Variants in RBFOX1 observed in about 807,000 individuals in gnomAD.
RBFOX1 encodes the protein RNA binding protein fox-1 homolog 1.
In RBFOX1, 8 loss-of-function variants were observed where a neutral mutation model predicts 57.7. The ratio of observed to expected loss-of-function variants is 0.14; its 90% CI spans 0.08 to 0.25. The LOEUF (loss-of-function observed/expected upper bound fraction) is 0.25, where lower values mean the gene tolerates loss of function less well. Ranked by LOEUF, RBFOX1 falls within the 10% of genes least tolerant of loss-of-function variation. RBFOX1 has a pLI of 1.00. For synonymous variants in RBFOX1, 326 were observed against 222.4 expected (o/e 1.47, Z -4.15); for missense variants, 611 against 548.5 (o/e 1.11, Z -1.14).
intron 4 of RBFOX1, among the ~76,000 whole-genome samples, chr16:7,492,156 C>G (rs190305911): frequency 6.6e-6 from 1 of 152,314 alleles, no homozygotes; most frequent in East Asian, 1.9e-4. Flanking sequence ...TTTTGTCTGC[C>G]TTCTGCATTT....
intron 4 of RBFOX1, among the ~76,000 whole-genome samples, chr16:7,320,035 C>T (rs2096517587): frequency 6.6e-6 from 1 of 152,082 alleles, no homozygotes; most frequent in Non-Finnish European, 1.5e-5. Context: ...TGTATGTATG[C>T]ATTAATCTGT....
At chr16:6,801,424 A>T (rs539626571) in intron 3 of RBFOX1, among the ~76,000 whole-genome samples, 1 of 152,278 alleles carries the variant, frequency 6.6e-6, no homozygotes, top group Admixed American at 6.5e-5. Context: ...TCAGCTGAAG[A>T]TAAATAAGCA....
At chr16:6,121,249 A>G (rs565594538) in intron 1 of RBFOX1, among the ~76,000 whole-genome samples, 21 of 152,260 alleles carry the variant, frequency 1.4e-4, no homozygotes, top group African/African-American at 4.8e-4. Flanking sequence ...ATGAGACTCT[A>G]GACTCTGCTT....
intron 5 of RBFOX1, among the ~76,000 whole-genome samples, chr16:7,526,314 C>T (rs2078696531): frequency 6.6e-6 from 1 of 152,150 alleles, no homozygotes; most frequent in African/African-American, 2.4e-5. Flanking sequence ...TTAGAATTCT[C>T]ATGAAGATTG....
chr16:5,383,769 T>A (rs1363570796), intron 1 of RBFOX1, among the ~76,000 whole-genome samples: 1 of 152,208 alleles, frequency 6.6e-6, no homozygotes, highest in Non-Finnish European at 1.5e-5. Flanking sequence ...CCCTAGAGAT[T>A]GTACTAGTCT....
chr16:5,390,713 A>T (rs1439186734), intron 1 of RBFOX1, among the ~76,000 whole-genome samples: 1 of 152,154 alleles, frequency 6.6e-6, no homozygotes, highest in Non-Finnish European at 1.5e-5. Flanking sequence ...CTCCAGGATG[A>T]CCCACACCTA....
At chr16:6,658,386 C>T (rs1047179834) in intron 3 of RBFOX1, among the ~76,000 whole-genome samples, 4 of 151,764 alleles carry the variant, frequency 2.6e-5, no homozygotes, top group South Asian at 4.2e-4. Flanking sequence ...TTTTTGTATT[C>T]TTAGTAGAGG....
At chr16:7,217,675 G>A (rs1290381776) in intron 4 of RBFOX1, among the ~76,000 whole-genome samples, 1 of 152,130 alleles carries the variant, frequency 6.6e-6, no homozygotes, top group Admixed American at 6.6e-5. Flanking sequence ...TTAATCATAG[G>A]GGGAAGGATT....
chr16:7,332,925 A>G (rs2096717976), intron 4 of RBFOX1: 9 of 1,603,734 alleles, frequency 5.6e-6, no homozygotes, highest in African/African-American at 1.3e-5. Flanking sequence ...GTTCGGAAGA[A>G]GTTGGGTCTA....
At chr16:6,096,941 G>A (rs538732887) in intron 1 of RBFOX1, among the ~76,000 whole-genome samples, 1 of 152,160 alleles carries the variant, frequency 6.6e-6, no homozygotes, top group South Asian at 2.1e-4. Flanking sequence ...TCACCCCTCT[G>A]CACTCCTGGT....
chr16:5,506,851 A>G (rs1489604301), intron 2 of RBFOX1, among the ~76,000 whole-genome samples: 2 of 152,144 alleles, frequency 1.3e-5, no homozygotes, highest in Admixed American at 1.3e-4. Flanking sequence ...TTCTCCAGCT[A>G]TAGATCCTTT....
intron 2 of RBFOX1, among the ~76,000 whole-genome samples, chr16:5,582,572 T>TTTTTTTG (rs369563835): frequency 1.9e-5 from 2 of 106,058 alleles, no homozygotes. Flanking sequence ...TTTTTTTTTT[T>TTTTTTTG]AAACGGAGTC....
chr16:6,953,295 C>T (rs995258351), intron 3 of RBFOX1, among the ~76,000 whole-genome samples: 3 of 152,130 alleles, frequency 2.0e-5, no homozygotes, highest in Non-Finnish European at 4.4e-5. Flanking sequence ...GGCAGAACTA[C>T]TCTGAAACAG....
intron 1 of RBFOX1, among the ~76,000 whole-genome samples, chr16:5,433,451 C>T (rs963007610): frequency 2.0e-5 from 3 of 152,144 alleles, no homozygotes; most frequent in Admixed American, 6.5e-5. Flanking sequence ...GGCAAGATTC[C>T]AACCCTAGCC....
chr16:6,246,769 A>G (rs2097571346), intron 1 of RBFOX1, among the ~76,000 whole-genome samples: 1 of 152,148 alleles, frequency 6.6e-6, no homozygotes, highest in Non-Finnish European at 1.5e-5. Context: ...CTTGTTTCCT[A>G]AACTCCAGTC....
intron 6 of RBFOX1, among the ~76,000 whole-genome samples, chr16:7,581,683 G>T (rs916275681): frequency 3.3e-4 from 50 of 152,072 alleles, no homozygotes; most frequent in African/African-American, 1.2e-3. Context: ...TTGTACTACC[G>T]GTCATCAGAC....
At chr16:5,686,623 G>C (rs34834885) in intron 3 of RBFOX1, among the ~76,000 whole-genome samples, 33,712 of 151,976 alleles carry the variant, frequency 0.22, 4,630 homozygotes, top group East Asian at 0.65. Flanking sequence ...TCCCCTAGAG[G>C]CCATATGAAT....
chr16:6,368,725 C>T (rs548939983), intron 2 of RBFOX1, among the ~76,000 whole-genome samples: 2 of 152,172 alleles, frequency 1.3e-5, no homozygotes, highest in Non-Finnish European at 2.9e-5. Flanking sequence ...GTCATATGTA[C>T]CAGTCCATGT....
At chr16:6,118,510 C>T (rs115798121) in intron 1 of RBFOX1, among the ~76,000 whole-genome samples, 2 of 152,034 alleles carry the variant, frequency 1.3e-5, no homozygotes, top group African/African-American at 2.4e-5. Flanking sequence ...TCTTGGATGG[C>T]GGCAGTGGCT....
Sources: gnomAD v4.1 joint callset for allele counts (sites outside exome capture counted in the v4.1 genomes callset) on GRCh38, gnomAD v4.1.1 for gene constraint, MANE v1.5 for transcripts, NCBI Gene and HGNC (gene_info 2026-07-23, HGNC 2026-07-21) for gene names.